RIPOR2: variants seen among roughly 807,000 people sequenced by gnomAD.
The protein encoded by RIPOR2 is rho family-interacting cell polarization regulator 2.
RIPOR2 carries 39 observed loss-of-function variants against 114.5 expected under a neutral mutation model. The observed-to-expected ratio is 0.34, with a 90% CI of 0.26 to 0.44. The LOEUF (loss-of-function observed/expected upper bound fraction) is 0.44, where lower values mean the gene tolerates loss of function less well. Among genes scored for constraint, RIPOR2 ranks in the 20% least tolerant of loss-of-function variants. The probability of loss-of-function intolerance (pLI) is 1.00; values close to 1 mark genes in which losing one functional copy is unlikely to be tolerated. For missense variants in RIPOR2, 1,007 were observed against 1,255.1 expected (o/e 0.80, Z 2.99); for synonymous variants, 445 against 484.4 (o/e 0.92, Z 1.07).
chr6:25,005,738 T>TATGTATATATATAC (rs1775532031), intron 1 of RIPOR2, among the ~76,000 whole-genome samples: 1 of 70,700 alleles, frequency 1.4e-5, no homozygotes, highest in Non-Finnish European at 3.3e-5. Flanking sequence ...TATATATATA[T>TATGTATATATATAC]ATACATTTAC....
intron 1 of RIPOR2, among the ~76,000 whole-genome samples, chr6:24,941,386 A>C (rs972156970): frequency 5.3e-5 from 8 of 151,742 alleles, no homozygotes; most frequent in Non-Finnish European, 1.0e-4. Flanking sequence ...AAAAAAAAAA[A>C]AGCATATAAA....
intron 1 of RIPOR2, among the ~76,000 whole-genome samples, chr6:24,913,867 A>G (rs964759307): frequency 6.6e-6 from 1 of 152,158 alleles, no homozygotes; most frequent in Non-Finnish European, 1.5e-5. Context: ...TCATCCAGGG[A>G]AACAGTGAAG....
intron 1 of RIPOR2, among the ~76,000 whole-genome samples, chr6:25,030,822 G>A (rs913546286): frequency 2.6e-5 from 4 of 151,656 alleles, no homozygotes; most frequent in East Asian, 1.9e-4. Context: ...CCTCAGCCTC[G>A]CAAGTAGCTG....
rs185656245 is a variant in RIPOR2 at position 24,909,478 on chromosome 6, T to C, written c.61+26360A>G. The stretch of plus-strand genomic sequence containing the variant: ...TGGAGGAGCAAGGGGAAGAGGGGAA[T>C]TGAGTGAGTGGGAATACCCGGGTAG... On this transcript the variant is annotated intron_variant, in intron 1 of 21. Transcript: ENST00000643898. 1.5e-4 allele frequency among the ~76,000 whole-genome samples: 23 copies of C among 151,844 alleles called. No homozygotes were observed. In the South Asian group the frequency reaches 3.7e-3, roughly 25 times the overall value.
Position 24,883,335 on chromosome 6 carries a change from G to A in RIPOR2, c.62-7518C>T, listed in dbSNP as rs564418890. ...TTACAAAGCTATGCCATCTCCATAA[G>A]CTAGACTGAGACCAACCCCTCTGAG... On this transcript the variant is annotated intron_variant, in intron 1 of 21. Transcript: ENST00000643898. The surrounding 1 kb of genome is among the most constrained non-coding windows in gnomAD (Gnocchi z 4.1). 4.6e-5 allele frequency among the ~76,000 whole-genome samples: 7 copies of A among 152,132 alleles called. No homozygotes were observed. The highest frequency in any genetic ancestry group is 8.8e-5 in the Non-Finnish European group (6 of 68,034).
At chr6:25,023,583 A>G (rs550657230) in intron 1 of RIPOR2, 29 of 769,364 alleles carry the variant, frequency 3.8e-5, no homozygotes, top group African/African-American at 3.0e-4. Flanking sequence ...CACACCTCCC[A>G]GTCCATGGTG....
chr6:24,852,664 T>C, intron 8 of RIPOR2, 46 bp from the exon 9 acceptor site: 1 of 1,473,114 alleles, frequency 6.8e-7, no homozygotes, highest in Non-Finnish European at 9.3e-7. Flanking sequence ...ATATTTCCCC[T>C]CTCTATAGAC....
intron 1 of RIPOR2, among the ~76,000 whole-genome samples, chr6:25,040,823 C>A (rs555426464): frequency 3.9e-5 from 6 of 152,110 alleles, no homozygotes; most frequent in Non-Finnish European, 4.4e-5. Context: ...GATCTCTTGA[C>A]GTCATGATCC....
intron 1 of RIPOR2, among the ~76,000 whole-genome samples, chr6:24,877,954 C>T (rs1201292456): frequency 6.6e-6 from 1 of 152,124 alleles, no homozygotes; most frequent in African/African-American, 2.4e-5. Flanking sequence ...TAGGTCAGAG[C>T]AGGTGACCAG....
chr6:24,857,260 G>A (rs1763562670), intron 8 of RIPOR2, among the ~76,000 whole-genome samples: 1 of 152,168 alleles, frequency 6.6e-6, no homozygotes, highest in African/African-American at 2.4e-5. Flanking sequence ...CATTTTCACA[G>A]TTGGAGAAAG....
intron 12 of RIPOR2, among the ~76,000 whole-genome samples, chr6:24,845,408 G>A (rs1277046111): frequency 1.3e-5 from 2 of 152,120 alleles, no homozygotes; most frequent in African/African-American, 4.8e-5. Flanking sequence ...GGGTTCCTTA[G>A]GCTTCTAGAA....
chr6:24,874,134 G>C (rs1210512290), intron 2 of RIPOR2, among the ~76,000 whole-genome samples: 7 of 152,088 alleles, frequency 4.6e-5, no homozygotes, highest in Admixed American at 4.6e-4. Flanking sequence ...GGGCTCAAGT[G>C]GTCCTCCTGC....
At position 24,883,047 on chromosome 6, in the gene RIPOR2, A is replaced by C. The variant is rs193187946; in HGVS notation, c.62-7230T>G. Among the ~76,000 whole-genome samples, 91 of 152,352 alleles carry C rather than the reference A, an allele frequency of 6.0e-4. 1 individual carries two copies. The highest frequency in any genetic ancestry group is 2.1e-3 in the African/African-American group (87 of 41,584). The stretch of plus-strand genomic sequence containing the variant: ...TTTGTGCATGCTTGAGTTGCAGGAC[A>C]TCAAACATCATGAAATTAAAACGAA... On this transcript the variant is annotated intron_variant, in intron 1 of 21. Coordinates refer to ENST00000643898, the MANE Select transcript of RIPOR2 (RefSeq NM_001286445.3). The surrounding 1 kb of genome is among the most constrained non-coding windows in gnomAD (Gnocchi z 4.1).
chr6:24,833,528 C>CA lies in RIPOR2; in HGVS notation c.2209-1138dup, dbSNP rs199737521. On this transcript the variant is annotated intron_variant, in intron 15 of 21. Coordinates refer to ENST00000643898, the MANE Select transcript of RIPOR2 (RefSeq NM_001286445.3). ...AAAACAAAAACAAAAACAACAACAACAAAAAAACAAAACAAAGTCTAGTGC... is the reference window on the plus strand; with the variant it reads ...AAAACAAAAACAAAAACAACAACAACAAAAAAAACAAAACAAAGTCTAGTGC... Among the ~76,000 whole-genome samples the CA allele has an allele frequency of 9.9e-3, 1,492 of 151,252 alleles. 7 individuals carry two copies. Among genetic ancestry groups the CA allele is most frequent in the Admixed American group, 0.023 (357 of 15,206 alleles).
intron 17 of RIPOR2, 84 bp downstream of exon 17, chr6:24,830,425 G>A (rs1357370173): frequency 8.7e-7 from 1 of 1,144,054 alleles, no homozygotes; most frequent in Non-Finnish European, 1.3e-6. Flanking sequence ...CAAGTGGTAG[G>A]AGGACCCCTC....
intron 18 of RIPOR2, among the ~76,000 whole-genome samples, 174 bp downstream of exon 18, chr6:24,827,963 T>C (rs1760330138): frequency 6.6e-6 from 1 of 152,196 alleles, no homozygotes; most frequent in Non-Finnish European, 1.5e-5. Context: ...CCCTGGTTCA[T>C]TAACAAGGGG....
chr6:24,962,532 T>G (rs1773351236), intron 1 of RIPOR2, among the ~76,000 whole-genome samples: 1 of 152,240 alleles, frequency 6.6e-6, no homozygotes, highest in Admixed American at 6.5e-5. Flanking sequence ...ATGTTTAATC[T>G]ACTAGTCTAT....
intron 1 of RIPOR2, among the ~76,000 whole-genome samples, chr6:25,033,713 C>T (rs1240870339): frequency 6.6e-6 from 1 of 152,194 alleles, no homozygotes; most frequent in Non-Finnish European, 1.5e-5. Context: ...TGAGAACTCC[C>T]AACACATCCT....
intron 1 of RIPOR2, among the ~76,000 whole-genome samples, chr6:24,916,938 A>G (rs1770123407): frequency 6.6e-6 from 1 of 151,520 alleles, no homozygotes; most frequent in African/African-American, 2.4e-5. Flanking sequence ...AGTGACCTGT[A>G]AGGCTGCATA....
Sources: gnomAD v4.1 joint callset for allele counts (sites outside exome capture counted in the v4.1 genomes callset) on GRCh38, gnomAD v4.1.1 for gene constraint, Gnocchi (gnomAD v3.1) non-coding constraint, MANE v1.5 for transcripts, NCBI Gene and HGNC (gene_info 2026-07-23, HGNC 2026-07-21) for gene names.